ZNF138: variants seen among roughly 807,000 people sequenced by gnomAD.
The protein encoded by ZNF138 is zinc finger protein 138.
Under a neutral mutation model 33.0 loss-of-function variants are expected in ZNF138, and 33 were observed. The observed-to-expected ratio is 1.00, with a 90% CI of 0.76 to 1.34. The LOEUF is 1.34. Ranked by LOEUF, ZNF138 falls within the 40% of genes most tolerant of loss-of-function variation. The pLI is 0.00. For synonymous variants in ZNF138, 139 were observed against 120.4 expected (o/e 1.15, Z -1.01); for missense variants, 360 against 370.8 (o/e 0.97, Z 0.24).
At chr7:64,823,171 C>T (rs1013811280) in intron 3 of ZNF138, among the ~76,000 whole-genome samples, 7 of 152,088 alleles carry the variant, frequency 4.6e-5, no homozygotes, top group Non-Finnish European at 8.8e-5. Flanking sequence ...TGAGCCACTG[C>T]GCCTGGCTGA....
downstream of ZNF138, among the ~76,000 whole-genome samples, chr7:64,837,348 GTTA>G (rs1790396786): frequency 1.3e-5 from 2 of 152,282 alleles, no homozygotes; most frequent in East Asian, 3.9e-4. Flanking sequence ...ATCTTCTGGG[GTTA>G]TTATGGCTGG....
intron 1 of ZNF138, among the ~76,000 whole-genome samples, chr7:64,808,200 G>A (rs1787766714): frequency 6.6e-6 from 1 of 152,176 alleles, no homozygotes; most frequent in Non-Finnish European, 1.5e-5. Flanking sequence ...CAGTGTAAGA[G>A]AAATGAGTCA....
chr7:64,822,453 TA>T (rs1212972348), intron 3 of ZNF138, among the ~76,000 whole-genome samples: 1 of 151,506 alleles, frequency 6.6e-6, no homozygotes. Flanking sequence ...ACATTTTTTT[TA>T]AAAAAATATT....
intron 1 of ZNF138, among the ~76,000 whole-genome samples, chr7:64,805,318 G>C (rs1223890547): frequency 4.6e-5 from 7 of 152,110 alleles, no homozygotes; most frequent in Non-Finnish European, 7.4e-5. Context: ...AGAATTGCTT[G>C]AACCCGGAAG....
rs1245551536 is a variant in ZNF138 at position 64,833,350 on chromosome 7, T to TC, written c.*1148_*1149insC. ...AACCAGAAAAATGTGAAAATGATTT[T>TC]AACAAAACCTTCAAATTTTTCTAAA... On this transcript the variant is annotated 3_prime_UTR_variant, in exon 4 of 4. Coordinates refer to ENST00000307355, the MANE Select transcript of ZNF138 (RefSeq NM_001271639.2). 1 of 159,322 alleles carries TC rather than the reference T, an allele frequency of 6.3e-6. No individual in the cohort carries two copies. Among genetic ancestry groups the TC allele is most frequent in the Non-Finnish European group, 1.4e-5 (1 of 72,322 alleles). The allele number at this position is 159,322 out of a possible 1,614,324, so 9.9% of individuals were successfully genotyped here. A position where few individuals can be genotyped will look rare whatever the true frequency, so the allele number is the denominator to read the frequency against.
intron 3 of ZNF138, among the ~76,000 whole-genome samples, chr7:64,825,165 T>A (rs2129011274): frequency 9.4e-6 from 1 of 106,268 alleles, no homozygotes; most frequent in South Asian, 3.6e-4. Flanking sequence ...TTTTTTTTTT[T>A]TTTTTTTTTT....
chr7:64,809,632 C>T (rs1787957178), intron 1 of ZNF138, among the ~76,000 whole-genome samples: 2 of 148,284 alleles, frequency 1.3e-5, no homozygotes, highest in African/African-American at 2.5e-5. Flanking sequence ...GGGGTGGCTG[C>T]CGGGCGGAGA....
In ZNF138 at chr7:64,831,782, A is replaced by G; in HGVS notation, c.540A>G (p.Ser180=). Residue 180 remains serine, a synonymous_variant, in exon 4 of 4, where the codon TCA becomes TCG. Transcript: ENST00000307355. The stretch of plus-strand genomic sequence containing the variant: ...GTGACAAATCACTTTGCATGCTTTC[A>G]CGCCTAACTCAACATAAAAAAATTC... ...KECDKSLCML[S]RLTQHKKIHT... is the part of the protein sequence containing the mutation. 6.2e-7 allele frequency: 1 copy of G among 1,613,728 alleles called. No individual in the cohort carries two copies. Among genetic ancestry groups the G allele is most frequent in the East Asian group, 2.2e-5 (1 of 44,846 alleles).
chr7:64,857,693 T>C, the ZNF138 span, among the ~76,000 whole-genome samples: 3 of 151,480 alleles, frequency 2.0e-5, no homozygotes, highest in African/African-American at 7.3e-5. Context: ...GAATTTTATT[T>C]TATCAGTAAA....
chr7:64,796,118 G>T (rs1291678977), intron 1 of ZNF138, among the ~76,000 whole-genome samples: 1 of 152,208 alleles, frequency 6.6e-6, no homozygotes, highest in Non-Finnish European at 1.5e-5. Context: ...TGCTGGTATT[G>T]AGGGGAGAAC....
At chr7:64,803,911 G>A (rs62456802) in intron 1 of ZNF138, among the ~76,000 whole-genome samples, 9,254 of 152,088 alleles carry the variant, frequency 0.061, 315 homozygotes, top group East Asian at 0.13. Context: ...AGTGTCTTTC[G>A]TTTCACTAAA....
chr7:64,851,891 C>A, the ZNF138 span, among the ~76,000 whole-genome samples: 1 of 152,194 alleles, frequency 6.6e-6, no homozygotes, highest in African/African-American at 2.4e-5. Flanking sequence ...GAAGACTAGG[C>A]TTTTCAAATC....
At chr7:64,823,432 C>T (rs1789326431) in intron 3 of ZNF138, among the ~76,000 whole-genome samples, 1 of 151,498 alleles carries the variant, frequency 6.6e-6, no homozygotes, top group Non-Finnish European at 1.5e-5. Flanking sequence ...GCCTCCTGGG[C>T]TCAAGTGATC....
Position 64,794,502 on chromosome 7 carries a change from G to C in ZNF138, c.-67G>C. On this transcript the variant is annotated 5_prime_UTR_variant, in exon 1 of 4. Coordinates refer to ENST00000307355, the MANE Select transcript of ZNF138 (RefSeq NM_001271639.2). ...TCTTACTCCTAGAGGCCCAGCCTCT[G>C]TGGCGCTGTGATCTGGTTATTGGGA... The C allele has an allele frequency of 6.2e-7, 1 of 1,609,074 alleles. No homozygotes were observed. Among genetic ancestry groups the C allele is most frequent in the Non-Finnish European group, 8.5e-7 (1 of 1,176,670 alleles).
the ZNF138 span, among the ~76,000 whole-genome samples, chr7:64,840,315 T>A: frequency 6.6e-6 from 1 of 151,948 alleles, no homozygotes; most frequent in African/African-American, 2.4e-5. Context: ...AATAGACTAT[T>A]TGATAACATA....
At position 64,794,453 on chromosome 7, in the gene ZNF138, T is replaced by C; in HGVS notation, c.-116T>C. On this transcript the variant is annotated 5_prime_UTR_variant, in exon 1 of 4. Coordinates refer to ENST00000307355, the MANE Select transcript of ZNF138 (RefSeq NM_001271639.2). The stretch of plus-strand genomic sequence containing the variant: ...GTCTCGCTGCAGCGGGTGCTGCAGG[T>C]CTGGCCTTCACTTTTCTGCGTCCTC... The C allele has an allele frequency of 7.4e-7, 1 of 1,354,332 alleles. No individual in the cohort carries two copies. The highest frequency in any genetic ancestry group is 1.3e-5 in the South Asian group (1 of 76,436). 83.9% of individuals were successfully genotyped at this position (1,354,332 alleles called of 1,614,324 possible). A position where few individuals can be genotyped will look rare whatever the true frequency, so the allele number is the denominator to read the frequency against.
At chr7:64,827,809 C>T (rs1162480011) in intron 3 of ZNF138, among the ~76,000 whole-genome samples, 1 of 151,884 alleles carries the variant, frequency 6.6e-6, no homozygotes, top group East Asian at 1.9e-4. Flanking sequence ...TTTTCTTCTG[C>T]AATTTTATAC....
intron 3 of ZNF138, among the ~76,000 whole-genome samples, chr7:64,826,914 T>TG (rs545178950): frequency 2.3e-3 from 346 of 152,258 alleles, no homozygotes; most frequent in African/African-American, 7.8e-3. Flanking sequence ...CCTCCCAAAG[T>TG]GCTGGGATTA....
chr7:64,808,397 T>C (rs547760222), intron 1 of ZNF138, among the ~76,000 whole-genome samples: 1 of 152,258 alleles, frequency 6.6e-6, no homozygotes, highest in South Asian at 2.1e-4. Flanking sequence ...ATCCCTACCA[T>C]CCAGGAACTG....
Sources: gnomAD v4.1 joint callset for allele counts (sites outside exome capture counted in the v4.1 genomes callset) on GRCh38, gnomAD v4.1.1 for gene constraint, MANE v1.5 for transcripts, NCBI Gene and HGNC (gene_info 2026-07-23, HGNC 2026-07-21) for gene names.